HIVEP1: variants seen among roughly 807,000 people sequenced by gnomAD.
The protein encoded by HIVEP1 is HIVEP zinc finger 1, also known as zinc finger protein 40.
A neutral mutation model predicts 180.0 loss-of-function variants in HIVEP1; 36 were observed. The ratio of observed to expected loss-of-function variants is 0.20; its 90% CI spans 0.15 to 0.26. The LOEUF (loss-of-function observed/expected upper bound fraction) is 0.26. HIVEP1 is among the 10% of genes least tolerant of loss of function. The pLI, the probability that HIVEP1 is intolerant of heterozygous loss-of-function variation, is 1.00. For synonymous variants in HIVEP1, 1,239 were observed against 1,239.0 expected, an observed-to-expected ratio of 1.00 and a Z score of 0.00; for missense variants, 3,143 against 3,268.7, an observed-to-expected ratio of 0.96 and a Z score of 0.94.
chr6:12,042,185 T>G (rs1305785125), intron 2 of HIVEP1, among the ~76,000 whole-genome samples: 3 of 149,338 alleles, frequency 2.0e-5, no homozygotes, highest in South Asian at 2.1e-4. Context: ...GTTCACGCCA[T>G]TCTCCTGCCT....
rs1379186662 is a variant in HIVEP1, at chr6:12,124,145, T to C, written c.4350T>C (p.Ser1450=). Residue 1450 remains serine (S), a synonymous_variant, in exon 4 of 9, where the codon TCT becomes TCC. Coordinates refer to ENST00000379388, the MANE Select transcript of HIVEP1 (RefSeq NM_002114.4). ...ATCTGTCTCCTGTACACCCAACATC[T>C]TTCCAAAATACTGCTCTTCCCAGTG... ...DSHLSPVHPT[S]FQNTALPSVN... 1.2e-6 allele frequency: 2 copies of C among 1,614,122 alleles called. No individual in the cohort carries two copies. Among genetic ancestry groups the C allele is most frequent in the Non-Finnish European group, 1.7e-6 (2 of 1,179,998 alleles).
intron 2 of HIVEP1, among the ~76,000 whole-genome samples, chr6:12,033,155 A>T (rs1769066830): frequency 6.6e-6 from 1 of 152,244 alleles, no homozygotes; most frequent in South Asian, 2.1e-4. Flanking sequence ...TTTGTATTAG[A>T]TGATTTTGCA....
chr6:12,169,710 A>G (rs1287992456), downstream of HIVEP1, among the ~76,000 whole-genome samples: 1 of 152,220 alleles, frequency 6.6e-6, no homozygotes, highest in Non-Finnish European at 1.5e-5. Context: ...GGACTTTAGA[A>G]TATACATGAT....
intron 6 of HIVEP1, among the ~76,000 whole-genome samples, chr6:12,134,581 T>C (rs1758604699): frequency 6.6e-6 from 1 of 152,248 alleles, no homozygotes; most frequent in Non-Finnish European, 1.5e-5. Flanking sequence ...AAAGACTTAT[T>C]CTCAAATACT....
chr6:12,108,400 C>T (rs1774611578), intron 3 of HIVEP1, among the ~76,000 whole-genome samples: 1 of 152,232 alleles, frequency 6.6e-6, no homozygotes. Flanking sequence ...ACTCTTCAGC[C>T]CTTGGGTGGT....
At chr6:12,109,928 T>G (rs1774775449) in intron 3 of HIVEP1, among the ~76,000 whole-genome samples, 1 of 152,258 alleles carries the variant, frequency 6.6e-6, no homozygotes, top group Non-Finnish European at 1.5e-5. Flanking sequence ...AAGTAAAAAT[T>G]ACTCCTTGAT....
intron 2 of HIVEP1, among the ~76,000 whole-genome samples, chr6:12,071,426 G>C (rs751520323): frequency 5.3e-5 from 8 of 152,122 alleles, no homozygotes; most frequent in Non-Finnish European, 1.2e-4. Flanking sequence ...TTTACTTTCT[G>C]ACTCACACCA....
chr6:12,169,493 A>G (rs1321169217), downstream of HIVEP1, among the ~76,000 whole-genome samples: 2 of 152,178 alleles, frequency 1.3e-5, no homozygotes, highest in African/African-American at 2.4e-5. Context: ...ACCAACTCCA[A>G]AAGAAATTAG....
intron 7 of HIVEP1, among the ~76,000 whole-genome samples, chr6:12,145,807 A>G (rs1248440428): frequency 1.3e-5 from 2 of 152,104 alleles, no homozygotes; most frequent in Non-Finnish European, 2.9e-5. Flanking sequence ...AAGGGCAAAG[A>G]TGATGTTTTG....
downstream of HIVEP1, among the ~76,000 whole-genome samples, chr6:12,167,197 C>G (rs1463535336): frequency 6.6e-6 from 1 of 151,802 alleles, no homozygotes; most frequent in East Asian, 1.9e-4. Flanking sequence ...TAATCCCTGG[C>G]CTGAATTTTA....
chr6:12,045,253 C>T (rs1770050719), intron 2 of HIVEP1, among the ~76,000 whole-genome samples: 1 of 152,214 alleles, frequency 6.6e-6, no homozygotes, highest in South Asian at 2.1e-4. Context: ...AGAAGCAGCT[C>T]ATCACCTGGG....
At chr6:12,062,260 A>C (rs966567039) in intron 2 of HIVEP1, among the ~76,000 whole-genome samples, 5 of 152,170 alleles carry the variant, frequency 3.3e-5, no homozygotes, top group African/African-American at 1.2e-4. Flanking sequence ...TACTTAATAC[A>C]TGTTAGAGAT....
chr6:12,051,001 C>CGCATATATATATATATATATAT (rs1299828534), intron 2 of HIVEP1, among the ~76,000 whole-genome samples: 1 of 77,600 alleles, frequency 1.3e-5, no homozygotes, highest in African/African-American at 4.3e-5. Context: ...TACACAAGTG[C>CGCATATATATATATATATATAT]ATATATATAT....
intron 2 of HIVEP1, among the ~76,000 whole-genome samples, chr6:12,080,454 T>C (rs1024034161): frequency 2.6e-5 from 4 of 152,188 alleles, no homozygotes; most frequent in Non-Finnish European, 5.9e-5. Context: ...GTGATTGATA[T>C]ATACTGTATG....
At chr6:12,152,465 T>C (rs188899187) in intron 7 of HIVEP1, among the ~76,000 whole-genome samples, 1 of 152,188 alleles carries the variant, frequency 6.6e-6, no homozygotes, top group Non-Finnish European at 1.5e-5. Flanking sequence ...TTTATTCTTA[T>C]GAATCCAAAC....
At chr6:12,108,344 A>G (rs186875411) in intron 3 of HIVEP1, among the ~76,000 whole-genome samples, 2 of 152,364 alleles carry the variant, frequency 1.3e-5, no homozygotes, top group African/African-American at 4.8e-5. Flanking sequence ...ATCCTGCACC[A>G]GGACTGCAGG....
intron 7 of HIVEP1, among the ~76,000 whole-genome samples, chr6:12,142,182 G>C (rs1413115375): frequency 2.0e-5 from 3 of 152,138 alleles, no homozygotes; most frequent in African/African-American, 7.2e-5. Context: ...ACAACAAACT[G>C]TCTCTCAGAC....
intron 3 of HIVEP1, among the ~76,000 whole-genome samples, chr6:12,089,621 G>A (rs1459093819): frequency 6.6e-6 from 1 of 150,788 alleles, no homozygotes; most frequent in Non-Finnish European, 1.5e-5. Flanking sequence ...TTTTTGTAGC[G>A]ACAAAAACCT....
chr6:12,067,115 G>A (rs967112395), intron 2 of HIVEP1, among the ~76,000 whole-genome samples: 3 of 152,108 alleles, frequency 2.0e-5, no homozygotes, highest in Non-Finnish European at 4.4e-5. Context: ...CTCTGAATGT[G>A]TTGGCTGGTT....
Sources: gnomAD v4.1 joint callset for allele counts (sites outside exome capture counted in the v4.1 genomes callset) on GRCh38, gnomAD v4.1.1 for gene constraint, MANE v1.5 for transcripts, NCBI Gene and HGNC (gene_info 2026-07-23, HGNC 2026-07-21) for gene names.